Variants in CALCRL observed in about 807,000 individuals in gnomAD.
CALCRL encodes the protein calcitonin gene-related peptide type 1 receptor.
A neutral mutation model predicts 60.4 loss-of-function variants in CALCRL; 27 were observed. The ratio of observed to expected loss-of-function variants is 0.45; its 90% CI spans 0.33 to 0.62. The LOEUF (loss-of-function observed/expected upper bound fraction) is 0.62, where lower values mean the gene tolerates loss of function less well. CALCRL is among the 20% of genes least tolerant of loss of function. CALCRL has a pLI of 0.03. For missense variants in CALCRL, 424 were observed against 540.7 expected (o/e 0.78, Z 2.14); for synonymous variants, 190 against 182.6 (o/e 1.04, Z -0.33).
Position 187,372,989 on chromosome 2 carries a change from T to C in CALCRL, c.500+5951A>G, listed in dbSNP as rs550722130. ...ACAGATGCTTCTACTGATTTGAATT[T>C]TAGAGTCTTAGTCTAATGCCTTTCT... is the stretch of plus-strand genomic sequence containing the variant. On this transcript the variant is annotated intron_variant, in intron 8 of 14. Transcript: ENST00000392370. Among the ~76,000 whole-genome samples, 66 of 152,312 alleles carry C rather than the reference T, an allele frequency of 4.3e-4. 1 individual carries two copies. The highest frequency in any genetic ancestry group is 7.9e-4 in the Non-Finnish European group (54 of 68,020).
chr2:187,365,819 T>C (rs1314358892), intron 8 of CALCRL, among the ~76,000 whole-genome samples: 4 of 152,150 alleles, frequency 2.6e-5, no homozygotes, highest in Admixed American at 1.3e-4. Flanking sequence ...GACTGCATGC[T>C]CTCACTCACT....
At chr2:187,400,937 T>C (rs892544197) in intron 1 of CALCRL, among the ~76,000 whole-genome samples, 1 of 151,528 alleles carries the variant, frequency 6.6e-6, no homozygotes, top group Non-Finnish European at 1.5e-5. Flanking sequence ...TTCAGAGTAA[T>C]GAATGTGTTC....
intron 14 of CALCRL, among the ~76,000 whole-genome samples, chr2:187,347,912 T>C (rs1002462805): frequency 1.3e-5 from 2 of 151,756 alleles, no homozygotes; most frequent in East Asian, 1.9e-4. Context: ...AGTTCAAAAA[T>C]TATATAATTA....
At chr2:187,440,816 G>A (rs1344956376) in intron 1 of CALCRL, among the ~76,000 whole-genome samples, 1 of 151,920 alleles carries the variant, frequency 6.6e-6, no homozygotes, top group African/African-American at 2.4e-5. Flanking sequence ...CTGATAACAT[G>A]GAACATAGAA....
intron 1 of CALCRL, among the ~76,000 whole-genome samples, chr2:187,414,932 C>G (rs1689539504): frequency 6.6e-6 from 1 of 151,116 alleles, no homozygotes; most frequent in Non-Finnish European, 1.5e-5. Context: ...ATGTTTTTCC[C>G]CCATCCATCC....
intron 1 of CALCRL, among the ~76,000 whole-genome samples, chr2:187,392,932 G>A (rs1431002776): frequency 6.6e-6 from 1 of 152,016 alleles, no homozygotes; most frequent in Non-Finnish European, 1.5e-5. Flanking sequence ...ACCTAGCTTG[G>A]AATGTCACTC....
chr2:187,348,349 A>C (rs1281445775), intron 14 of CALCRL, among the ~76,000 whole-genome samples: 1 of 151,678 alleles, frequency 6.6e-6, no homozygotes, highest in Non-Finnish European at 1.5e-5. Flanking sequence ...TTTGTTTCAT[A>C]AACTTCTCCT....
At chr2:187,425,269 T>G (rs1460211943) in intron 1 of CALCRL, among the ~76,000 whole-genome samples, 2 of 152,008 alleles carry the variant, frequency 1.3e-5, no homozygotes, top group African/African-American at 4.8e-5. Context: ...ATAGTGTTAT[T>G]CATTATCAAA....
At chr2:187,400,894 A>G (rs858761) in intron 1 of CALCRL, among the ~76,000 whole-genome samples, 151,540 of 151,676 alleles carry the variant, frequency 1, 75,702 homozygotes, top group Middle Eastern at 1. Context: ...GTGTGGCAAT[A>G]GAGAGTGATT....
chr2:187,427,508 G>A (rs1052040435), intron 1 of CALCRL, among the ~76,000 whole-genome samples: 1 of 152,158 alleles, frequency 6.6e-6, no homozygotes, highest in African/African-American at 2.4e-5. Context: ...TTTCATGAAG[G>A]TATTATCGTC....
chr2:187,404,958 G>A (rs2349315), intron 1 of CALCRL, among the ~76,000 whole-genome samples: 104,405 of 151,774 alleles, frequency 0.69, 36,098 homozygotes, highest in East Asian at 0.87. Context: ...TTCACACGGA[G>A]CGACTCTGAG....
At chr2:187,404,793 G>C (rs2105832857) in intron 1 of CALCRL, among the ~76,000 whole-genome samples, 1 of 152,042 alleles carries the variant, frequency 6.6e-6, no homozygotes, top group African/African-American at 2.4e-5. Flanking sequence ...ACATGAATGA[G>C]GCTTTCTGGA....
chr2:187,407,032 G>C (rs1477181574), intron 1 of CALCRL, among the ~76,000 whole-genome samples: 2 of 151,818 alleles, frequency 1.3e-5, no homozygotes, highest in Non-Finnish European at 2.9e-5. Flanking sequence ...AGCACAAATA[G>C]GCTGAATGTG....
At chr2:187,373,098 A>G (rs887422975) in intron 8 of CALCRL, among the ~76,000 whole-genome samples, 2 of 152,184 alleles carry the variant, frequency 1.3e-5, no homozygotes, top group Non-Finnish European at 2.9e-5. Context: ...TCTGTCCTAT[A>G]TGTAAGCTTC....
intron 14 of CALCRL, among the ~76,000 whole-genome samples, chr2:187,351,665 A>C (rs572807868): frequency 6.6e-6 from 1 of 151,934 alleles, no homozygotes; most frequent in South Asian, 2.1e-4. Context: ...GTATCTCAAA[A>C]GATTAGATGA....
chr2:187,354,727 T>A (rs547590332), intron 12 of CALCRL, among the ~76,000 whole-genome samples: 3 of 152,142 alleles, frequency 2.0e-5, no homozygotes, highest in African/African-American at 7.2e-5. Context: ...CTTCTTTTCT[T>A]ACTGACCAGC....
rs997994021 is a variant in CALCRL at position 187,385,437 on chromosome 2, T to C, written c.51+108A>G. 14 of 625,874 alleles carry C rather than the reference T, an allele frequency of 2.2e-5. No individual in the cohort carries two copies. In the East Asian group the frequency reaches 3.8e-4, roughly 17 times the overall value. 38.8% of individuals were successfully genotyped at this position (625,874 alleles called of 1,614,324 possible). The stretch of plus-strand genomic sequence containing the variant: ...ACATTATTGCTGTATCAATTGGATA[T>C]AAAAATGTAACTAATTTCTGTATCT... On this transcript the variant is annotated intron_variant, in intron 4 of 14. Transcript: ENST00000392370.
chr2:187,437,813 G>A (rs1254740045), intron 1 of CALCRL, among the ~76,000 whole-genome samples: 1 of 152,140 alleles, frequency 6.6e-6, no homozygotes, highest in African/African-American at 2.4e-5. Context: ...AATGTTTTGA[G>A]TAATAGTTCA....
At chr2:187,426,021 C>T (rs1690102569) in intron 1 of CALCRL, among the ~76,000 whole-genome samples, 1 of 151,786 alleles carries the variant, frequency 6.6e-6, no homozygotes, top group Non-Finnish European at 1.5e-5. Flanking sequence ...CCACTACCCA[C>T]CCTTCCTGTT....
Sources: gnomAD v4.1 joint callset for allele counts (sites outside exome capture counted in the v4.1 genomes callset) on GRCh38, gnomAD v4.1.1 for gene constraint, MANE v1.5 for transcripts, NCBI Gene and HGNC (gene_info 2026-07-23, HGNC 2026-07-21) for gene names.